The following SLC25A20 variants were observed in gnomAD, a reference collection of about 807,000 sequenced individuals.
SLC25A20 encodes the protein mitochondrial carnitine/acylcarnitine carrier protein.
In SLC25A20, 29 loss-of-function variants were observed where a neutral mutation model predicts 39.7. The observed-to-expected ratio is 0.73, with a 90% CI of 0.54 to 1.00. The LOEUF (loss-of-function observed/expected upper bound fraction) is 1.00, where lower values mean the gene tolerates loss of function less well. SLC25A20 is among the 50% of genes least tolerant of loss of function. The pLI is 0.00. For missense variants in SLC25A20, 333 were observed against 379.9 expected, an observed-to-expected ratio of 0.88 and a Z score of 1.03; for synonymous variants, 103 against 142.2, an observed-to-expected ratio of 0.72 and a Z score of 1.96.
chr3:48,875,641 C>G (rs2083750389), intron 4 of SLC25A20, among the ~76,000 whole-genome samples: 2 of 152,148 alleles, frequency 1.3e-5, no homozygotes, highest in Non-Finnish European at 2.9e-5. Context: ...AACTGCTGAC[C>G]TCAGGTGATC....
intron 2 of SLC25A20, among the ~76,000 whole-genome samples, chr3:48,891,178 G>A (rs978647266): frequency 9.3e-5 from 14 of 150,542 alleles, no homozygotes; most frequent in Non-Finnish European, 1.9e-4. Context: ...GGGTTCAAGC[G>A]ATTCTCGTGC....
At chr3:48,878,262 CA>C (rs1257374907) in intron 4 of SLC25A20, among the ~76,000 whole-genome samples, 8 of 106,874 alleles carry the variant, frequency 7.5e-5, no homozygotes, top group Non-Finnish European at 1.3e-4. Context: ...TCCATCTCCA[CA>C]AAAAAAAAAA....
intron 1 of SLC25A20, among the ~76,000 whole-genome samples, chr3:48,893,183 A>T (rs989797184): frequency 3.3e-5 from 5 of 151,140 alleles, no homozygotes; most frequent in Admixed American, 1.3e-4. Context: ...GCACACCACA[A>T]TGCCAGGCTA....
At chr3:48,879,619 T>C (rs957955001) in intron 3 of SLC25A20, among the ~76,000 whole-genome samples, 171 bp from the exon 4 acceptor site, 2 of 152,170 alleles carry the variant, frequency 1.3e-5, no homozygotes, top group African/African-American at 4.8e-5. Flanking sequence ...TCTAGGTATA[T>C]TTTAATGTCA....
intron 3 of SLC25A20, among the ~76,000 whole-genome samples, chr3:48,880,478 T>C (rs981797028): frequency 5.3e-5 from 8 of 151,868 alleles, no homozygotes; most frequent in Middle Eastern, 3.2e-3. Flanking sequence ...AGTTTCACTA[T>C]GTTAGCTAAG....
chr3:48,871,668 G>C (rs2106645259), intron 4 of SLC25A20, among the ~76,000 whole-genome samples: 1 of 151,606 alleles, frequency 6.6e-6, no homozygotes, highest in Non-Finnish European at 1.5e-5. Context: ...TCAGGAGACT[G>C]AGGCAGGAGA....
rs745619463 is a variant in SLC25A20 at position 48,857,760 on chromosome 3, C to G, written c.856G>C (p.Gly286Arg). ...AGGAACTTCATGGCAACTTCAAAGC[C>G]AAGGAAACAGGCCTAAGAAGGGATT... ...AFPANAACFL[G>R]FEVAMKFLNW... is the part of the protein sequence containing the mutation. Residue 286 changes from glycine (G) to arginine (R), a missense_variant, in exon 9 of 9, where the codon GGC (glycine) becomes CGC (arginine). Coordinates refer to ENST00000319017, the MANE Select transcript of SLC25A20 (RefSeq NM_000387.6). The G allele has an allele frequency of 1.2e-6, 2 of 1,613,678 alleles. No individual in the cohort carries two copies. Among genetic ancestry groups the G allele is most frequent in the Admixed American group, 3.3e-5 (2 of 59,900 alleles).
intron 4 of SLC25A20, among the ~76,000 whole-genome samples, chr3:48,862,996 AG>A (rs1476511547): frequency 6.6e-6 from 1 of 152,170 alleles, no homozygotes; most frequent in Non-Finnish European, 1.5e-5. Context: ...GTTTGAAACC[AG>A]CCTGGTCAAC....
intron 4 of SLC25A20, among the ~76,000 whole-genome samples, chr3:48,868,831 G>A (rs751470726): frequency 5.9e-5 from 9 of 152,146 alleles, no homozygotes; most frequent in Non-Finnish European, 1.0e-4. Context: ...TGTTACCAGC[G>A]TGGAGTCAGA....
chr3:48,871,830 G>A (rs936592393), intron 4 of SLC25A20, among the ~76,000 whole-genome samples: 4 of 150,292 alleles, frequency 2.7e-5, no homozygotes, highest in Admixed American at 6.7e-5. Flanking sequence ...CAATTGATTC[G>A]TTTTTTTGAG....
chr3:48,892,295 ATGCC>A (rs2083883247), intron 1 of SLC25A20, among the ~76,000 whole-genome samples: 1 of 152,210 alleles, frequency 6.6e-6, no homozygotes, highest in Non-Finnish European at 1.5e-5. Context: ...CACATTTTGT[ATGCC>A]TGCCTATTCA....
At chr3:48,881,833 C>A (rs2083797527) in intron 3 of SLC25A20, among the ~76,000 whole-genome samples, 1 of 152,190 alleles carries the variant, frequency 6.6e-6, no homozygotes, top group Non-Finnish European at 1.5e-5. Flanking sequence ...CAAGGACTAT[C>A]AATGGGCAAA....
chr3:48,871,212 G>A (rs866792274), intron 4 of SLC25A20, among the ~76,000 whole-genome samples: 4 of 151,790 alleles, frequency 2.6e-5, no homozygotes, highest in East Asian at 3.9e-4. Context: ...AATTCTGCCC[G>A]AATTGATCTG....
chr3:48,863,412 G>A (rs2106638652), intron 4 of SLC25A20, among the ~76,000 whole-genome samples: 1 of 152,262 alleles, frequency 6.6e-6, no homozygotes, highest in East Asian at 1.9e-4. Context: ...CCAGACAGGG[G>A]TCCTGTTCAG....
intron 4 of SLC25A20, among the ~76,000 whole-genome samples, chr3:48,865,743 TG>T (rs1372641251): frequency 2.1e-5 from 3 of 145,022 alleles, no homozygotes; most frequent in African/African-American, 2.6e-5. Context: ...CACTCCAGCC[TG>T]GGAGACAAAG....
chr3:48,882,053 T>C (rs894407592), intron 3 of SLC25A20, among the ~76,000 whole-genome samples: 2 of 152,160 alleles, frequency 1.3e-5, no homozygotes, highest in African/African-American at 2.4e-5. Context: ...TCCCTTGAGC[T>C]CCTGGATCTG....
intron 2 of SLC25A20, among the ~76,000 whole-genome samples, chr3:48,888,331 G>A (rs2083847778): frequency 6.6e-6 from 1 of 151,892 alleles, no homozygotes; most frequent in Non-Finnish European, 1.5e-5. Flanking sequence ...CAGCACTTTG[G>A]GAGGCTGAGG....
chr3:48,887,491 G>A (rs2083838223), intron 2 of SLC25A20, among the ~76,000 whole-genome samples: 2 of 152,200 alleles, frequency 1.3e-5, no homozygotes, highest in Non-Finnish European at 2.9e-5. Context: ...AGGCAGGTAA[G>A]CCTACCTTCC....
In SLC25A20 at chr3:48,879,396, T is replaced by C; in HGVS notation, c.379A>G (p.Ile127Val). Residue 127 changes from isoleucine (I) to valine (V), a missense_variant, in exon 4 of 9, where the codon ATC becomes GTC. Physicochemically the swap from Ile to Val is conservative, Grantham distance 29. Coordinates refer to ENST00000319017, the MANE Select transcript of SLC25A20 (RefSeq NM_000387.6). ...TTGATCCGTTCTCCAGGAGTCATGATTCCTGTGGTGAATACGCCAGATAAC... is the reference window on the plus strand; with the variant it reads ...TTGATCCGTTCTCCAGGAGTCATGACTCCTGTGGTGAATACGCCAGATAAC... ...GMLSGVFTTG[I>V]MTPGERIKCL... is the part of the protein sequence containing the mutation. 2 of 1,613,886 alleles carry C rather than the reference T, an allele frequency of 1.2e-6. No homozygotes were observed. Among genetic ancestry groups the C allele is most frequent in the Non-Finnish European group, 1.7e-6 (2 of 1,179,740 alleles).
Sources: allele counts gnomAD v4.1 joint callset (sites outside exome capture counted in the v4.1 genomes callset), GRCh38; gene constraint gnomAD v4.1.1; transcripts MANE v1.5; gene names NCBI Gene and HGNC (gene_info 2026-07-23, HGNC 2026-07-21).